Variants in BMPR2 observed in about 807,000 individuals in gnomAD.
BMPR2 encodes the protein bone morphogenetic protein receptor type 2, also known as bone morphogenetic protein receptor type-2.
In BMPR2, 29 loss-of-function variants were observed where a neutral mutation model predicts 100.8. That is an observed-to-expected ratio of 0.29 (90% CI 0.21 to 0.39). The LOEUF is 0.39. Ranked by LOEUF, BMPR2 falls within the 10% of genes least tolerant of loss-of-function variation. The pLI, the probability that BMPR2 is intolerant of heterozygous loss-of-function variation, is 1.00. For synonymous variants in BMPR2, 382 were observed against 442.3 expected, an observed-to-expected ratio of 0.86 and a Z score of 1.71; for missense variants, 1,011 against 1,274.5, an observed-to-expected ratio of 0.79 and a Z score of 3.15.
At chr2:202,525,604 CTTGT>C (rs979849567) in intron 7 of BMPR2, among the ~76,000 whole-genome samples, 8 of 152,120 alleles carry the variant, frequency 5.3e-5, no homozygotes, top group African/African-American at 1.7e-4. Context: ...CACTCCTATG[CTTGT>C]TTGTTTCCCA....
In BMPR2 at chr2:202,521,564, GA is replaced by G. The variant is rs113086736; in HGVS notation, c.967+1376del. Among the ~76,000 whole-genome samples, 374 of 135,634 alleles carry G rather than the reference GA, an allele frequency of 2.8e-3. 1 individual carries two copies. Among genetic ancestry groups the G allele is most frequent in the Middle Eastern group, 3.6e-3 (1 of 274 alleles). 89.0% of individuals were successfully genotyped at this position (135,634 alleles called of 152,430 possible). On this transcript the variant is annotated intron_variant, in intron 7 of 12. Coordinates refer to ENST00000374580, the MANE Select transcript of BMPR2 (RefSeq NM_001204.7). ...CCTGGCTGACAGCTAGACTGTCTCA[GA>G]AAAAAAAAAAAAGCAAATGTGAACT...
intron 5 of BMPR2, among the ~76,000 whole-genome samples, chr2:202,518,000 AT>A (rs1330265442): frequency 1.0e-4 from 7 of 69,940 alleles, no homozygotes; most frequent in Non-Finnish European, 1.8e-4. Context: ...TTTTTTTTGT[AT>A]TTTTTTAGTA....
intron 3 of BMPR2, among the ~76,000 whole-genome samples, chr2:202,492,981 T>G (rs1004790575): frequency 2.0e-5 from 3 of 152,182 alleles, no homozygotes; most frequent in South Asian, 4.1e-4. Context: ...AAGATACAGC[T>G]TTCACTTTGA....
At position 202,481,868 on chromosome 2, in the gene BMPR2, C is replaced by T. The variant is rs368730291; in HGVS notation, c.418+14179C>T. ...AAAATACACAAAATGTGAAATTTAT[C>T]GTCTTACCATTTTTAAGTGTACAGT... On this transcript the variant is annotated intron_variant, in intron 3 of 12. Coordinates refer to ENST00000374580, the MANE Select transcript of BMPR2 (RefSeq NM_001204.7). Among the ~76,000 whole-genome samples the T allele has an allele frequency of 1.8e-4, 28 of 152,142 alleles. No individual in the cohort carries two copies. The East Asian group carries it at 5.4e-3, about 29-fold the overall frequency.
Position 202,377,586 on chromosome 2 carries a change from C to G in BMPR2, c.76+36C>G, listed in dbSNP as rs766699069. 3.1e-6 allele frequency: 5 copies of G among 1,610,816 alleles called. No individual in the cohort carries two copies. The African/African-American group carries it at 6.7e-5, about 22-fold the overall frequency. The stretch of plus-strand genomic sequence containing the variant: ...CCGGCCGGCACGTCCCGGCCACTGC[C>G]CCTGCGGGTGGCGAGGGAGGGAGCC... On this transcript the variant is annotated intron_variant, in intron 1 of 12. Transcript: ENST00000374580.
Position 202,481,922 on chromosome 2 carries a change from A to G in BMPR2, c.418+14233A>G, listed in dbSNP as rs531959438. Among the ~76,000 whole-genome samples, 38 of 152,316 alleles carry G rather than the reference A, an allele frequency of 2.5e-4. 1 individual carries two copies. In the South Asian group the frequency reaches 7.7e-3, roughly 31 times the overall value. On this transcript the variant is annotated intron_variant, in intron 3 of 12. Coordinates refer to ENST00000374580, the MANE Select transcript of BMPR2 (RefSeq NM_001204.7). ...GTATAGTTCCTATTGTCGTACGACCAATCTCCAGAACTCTTCACCTTCAAG... is the reference window on the plus strand; with the variant it reads ...GTATAGTTCCTATTGTCGTACGACCGATCTCCAGAACTCTTCACCTTCAAG...
In BMPR2 at chr2:202,564,952, A is replaced by T. The variant is rs1030254290; in HGVS notation, c.*5006A>T. The T allele has an allele frequency of 1.3e-5, 2 of 152,278 alleles. No homozygotes were observed. The highest frequency in any genetic ancestry group is 1.9e-4 in the East Asian group (1 of 5,202). The allele number at this position is 152,278 out of a possible 1,614,324, so 9.4% of individuals were successfully genotyped here. ...TCCCAGCTACTCGGGAGGCAGAGACAGGAGAATCGTTTGCACCCGGGAGGC... is the reference window on the plus strand; with the variant it reads ...TCCCAGCTACTCGGGAGGCAGAGACTGGAGAATCGTTTGCACCCGGGAGGC... On this transcript the variant is annotated 3_prime_UTR_variant, in exon 13 of 13. Coordinates refer to ENST00000374580, the MANE Select transcript of BMPR2 (RefSeq NM_001204.7).
chr2:202,437,170 T>A (rs1691631027), intron 1 of BMPR2, among the ~76,000 whole-genome samples: 1 of 150,190 alleles, frequency 6.7e-6, no homozygotes, highest in Admixed American at 6.6e-5. Flanking sequence ...CACGCCCAGC[T>A]AATTTTTATA....
intron 1 of BMPR2, among the ~76,000 whole-genome samples, chr2:202,412,491 TTGTATTTTTA>T (rs1691033971): frequency 2.0e-5 from 3 of 152,110 alleles, no homozygotes; most frequent in Admixed American, 2.0e-4. Context: ...GCTAATTTTT[TTGTATTTTTA>T]GTAGAGATGG....
At chr2:202,505,368 AT>A (rs1687500081) in intron 3 of BMPR2, 1 of 144,724 alleles carries the variant, frequency 6.9e-6, no homozygotes, top group Non-Finnish European at 1.5e-5. Flanking sequence ...TTTTTAATAA[AT>A]TTTGGAAACA....
At chr2:202,492,963 A>G (rs1330322793) in intron 3 of BMPR2, among the ~76,000 whole-genome samples, 1 of 152,208 alleles carries the variant, frequency 6.6e-6, no homozygotes, top group Non-Finnish European at 1.5e-5. Flanking sequence ...CAATCAGTAA[A>G]TAACTGGAAG....
intron 1 of BMPR2, among the ~76,000 whole-genome samples, chr2:202,421,962 G>A (rs1340317237): frequency 6.6e-6 from 1 of 152,226 alleles, no homozygotes; most frequent in African/African-American, 2.4e-5. Flanking sequence ...AGGCTGGAGT[G>A]CAGTGGTGCG....
At chr2:202,419,660 T>G (rs555115828) in intron 1 of BMPR2, among the ~76,000 whole-genome samples, 1 of 152,216 alleles carries the variant, frequency 6.6e-6, no homozygotes, top group East Asian at 1.9e-4. Flanking sequence ...TGGTGTATGT[T>G]TTTTTTAAAT....
Position 202,464,963 on chromosome 2 carries a change from A to G in BMPR2, c.231A>G (p.Ile77Met), listed in dbSNP as rs1692291612. ...YGLWEKSKGD[I>M]NLVKQGCWSH... ...TTTGGGAGAAATCAAAAGGGGACAT[A>G]AATCTTGTAAAACAAGGCAAGTGAT... Residue 77 changes from isoleucine to methionine, a missense_variant, in exon 2 of 13, where the codon ATA becomes ATG. This residue lies in a region of BMPR2 where 355 missense variants were observed against 455.3 expected (regional missense o/e 0.78). Coordinates refer to ENST00000374580, the MANE Select transcript of BMPR2 (RefSeq NM_001204.7). The G allele has an allele frequency of 1.9e-6, 3 of 1,614,042 alleles. No individual in the cohort carries two copies. The African/African-American group carries it at 4.0e-5, about 22-fold the overall frequency.
chr2:202,480,257 C>T (rs551017662), intron 3 of BMPR2, among the ~76,000 whole-genome samples: 29 of 152,184 alleles, frequency 1.9e-4, no homozygotes, highest in African/African-American at 6.0e-4. Flanking sequence ...CTCAGCCTCC[C>T]GAGTAGCTGG....
intron 3 of BMPR2, among the ~76,000 whole-genome samples, chr2:202,479,776 G>C (rs1242617716): frequency 6.6e-6 from 1 of 151,906 alleles, no homozygotes; most frequent in Non-Finnish European, 1.5e-5. Flanking sequence ...ATAGTGACCA[G>C]TTTCTTTTTG....
intron 9 of BMPR2, among the ~76,000 whole-genome samples, chr2:202,540,288 G>C (rs923395715): frequency 2.0e-5 from 3 of 152,120 alleles, no homozygotes; most frequent in African/African-American, 7.2e-5. Flanking sequence ...TTGTGTGTAT[G>C]TCTCAGAGAC....
At chr2:202,490,341 G>T (rs1574474847) in intron 3 of BMPR2, among the ~76,000 whole-genome samples, 1 of 151,820 alleles carries the variant, frequency 6.6e-6, no homozygotes, top group East Asian at 1.9e-4. Context: ...CACACACGAG[G>T]TTGTACTAAA....
chr2:202,380,628 CTTTT>C (rs34657186), intron 1 of BMPR2, among the ~76,000 whole-genome samples: 1 of 136,002 alleles, frequency 7.4e-6, no homozygotes. Flanking sequence ...GGATTTCTTT[CTTTT>C]TTTTTTTTTT....
Sources: allele counts gnomAD v4.1 joint callset (sites outside exome capture counted in the v4.1 genomes callset), GRCh38; gene constraint gnomAD v4.1.1; regional missense constraint gnomAD v4.1.1; transcripts MANE v1.5; gene names NCBI Gene and HGNC (gene_info 2026-07-23, HGNC 2026-07-21).